SLC9A7: variants seen among roughly 807,000 people sequenced by gnomAD.
SLC9A7 encodes the protein solute carrier family 9 member A7, also known as sodium/hydrogen exchanger 7.
SLC9A7 carries 19 observed loss-of-function variants against 52.6 expected under a neutral mutation model. The observed-to-expected ratio is 0.36, with a 90% CI of 0.25 to 0.53. The LOEUF (loss-of-function observed/expected upper bound fraction) is 0.53. Among genes scored for constraint, SLC9A7 ranks in the 20% least tolerant of loss-of-function variants. The pLI is 0.91. For synonymous variants in SLC9A7, 226 were observed against 252.1 expected, an observed-to-expected ratio of 0.90 and a Z score of 0.98; for missense variants, 455 against 597.9, an observed-to-expected ratio of 0.76 and a Z score of 2.49.
chrX:46,671,421 C>T (rs976445180), intron 4 of SLC9A7, among the ~76,000 whole-genome samples: 3 of 108,049 alleles, frequency 2.8e-5, no homozygotes, highest in East Asian at 3.1e-4. Context: ...CCACCACTCC[C>T]GGCTAATTTT....
intron 12 of SLC9A7, among the ~76,000 whole-genome samples, chrX:46,638,957 T>A (rs767240376): frequency 1.1e-4 from 12 of 112,671 alleles, no homozygotes; most frequent in Non-Finnish European, 2.3e-4. Flanking sequence ...TAAAAATCCT[T>A]AACAAAATGT....
chrX:46,755,446 G>A (rs2179975), intron 1 of SLC9A7, among the ~76,000 whole-genome samples: 1 of 109,667 alleles, frequency 9.1e-6, no homozygotes, highest in Non-Finnish European at 1.9e-5. Flanking sequence ...GCACAATTAA[G>A]AATTGAAAAG....
intron 1 of SLC9A7, among the ~76,000 whole-genome samples, chrX:46,695,205 C>G (rs1944432534): frequency 8.9e-6 from 1 of 111,824 alleles, no homozygotes; most frequent in Admixed American, 9.4e-5. Context: ...AATTATATGT[C>G]AATAAAGTTT....
At chrX:46,726,446 C>A (rs1194519933) in intron 1 of SLC9A7, among the ~76,000 whole-genome samples, 1 of 111,408 alleles carries the variant, frequency 9.0e-6, no homozygotes, top group Non-Finnish European at 1.9e-5. Context: ...TTCCCCAGAC[C>A]ATGTGCCAGA....
chrX:46,624,779 T>C (rs1943098345), intron 14 of SLC9A7, among the ~76,000 whole-genome samples: 1 of 112,478 alleles, frequency 8.9e-6, no homozygotes, highest in Admixed American at 9.4e-5. Flanking sequence ...ACACAAGGAA[T>C]TTTCATCTTT....
intron 1 of SLC9A7, among the ~76,000 whole-genome samples, chrX:46,739,880 C>T (rs1211942497): frequency 8.9e-6 from 1 of 111,784 alleles, no homozygotes; most frequent in African/African-American, 3.3e-5. Context: ...CAGCATAACA[C>T]TGCCATTGAA....
At chrX:46,664,605 G>A (rs1365331196) in intron 5 of SLC9A7, among the ~76,000 whole-genome samples, 7 of 111,412 alleles carry the variant, frequency 6.3e-5, no homozygotes, top group Admixed American at 9.5e-5. Flanking sequence ...CCAGTCTGAA[G>A]CCTCTTCCTT....
At chrX:46,637,075 A>C (rs1387546532) in intron 12 of SLC9A7, among the ~76,000 whole-genome samples, 1 of 112,539 alleles carries the variant, frequency 8.9e-6, no homozygotes, top group Admixed American at 9.4e-5. Context: ...TAATACTATT[A>C]ATATAACAGC....
intron 3 of SLC9A7, among the ~76,000 whole-genome samples, chrX:46,673,966 A>T (rs1722709699): frequency 8.9e-6 from 1 of 112,266 alleles, no homozygotes; most frequent in Non-Finnish European, 1.9e-5. Flanking sequence ...TTTGTTTTTA[A>T]TCGAATGCAT....
At chrX:46,623,231 C>T (rs146588751) in intron 14 of SLC9A7, among the ~76,000 whole-genome samples, 113 of 111,777 alleles carry the variant, frequency 1.0e-3, no homozygotes, top group Middle Eastern at 4.6e-3. Flanking sequence ...CGAACAGCAC[C>T]GGACTGAGGA....
intron 1 of SLC9A7, among the ~76,000 whole-genome samples, chrX:46,718,579 A>G (rs1296616623): frequency 8.9e-6 from 1 of 112,370 alleles, no homozygotes; most frequent in Non-Finnish European, 1.9e-5. Flanking sequence ...AGAATCTACA[A>G]AGAACTTAAC....
At position 46,679,672 on chromosome X, in the gene SLC9A7, T is replaced by C; in HGVS notation, c.603+6A>G. The C allele has an allele frequency of 8.5e-7, 1 of 1,169,801 alleles. No individual in the cohort carries two copies. On this transcript the variant is annotated splice_donor_region_variant and intron_variant, in intron 3 of 16. Transcript: ENST00000616978. ...GATTTCAGAAATACTGGCAAAAACA[T>C]CTTACCTTCTTTAAGCTGTATCCAG...
chrX:46,666,943 G>A (rs946863370), intron 5 of SLC9A7, among the ~76,000 whole-genome samples: 1 of 112,024 alleles, frequency 8.9e-6, no homozygotes, highest in Non-Finnish European at 1.9e-5. Flanking sequence ...GACAGTCACA[G>A]ACAGCACAGG....
At chrX:46,736,205 T>A (rs1253346386) in intron 1 of SLC9A7, among the ~76,000 whole-genome samples, 1 of 112,351 alleles carries the variant, frequency 8.9e-6, no homozygotes, top group Admixed American at 9.5e-5. Context: ...CCTTCCAATA[T>A]CTTTAAGTTC....
intron 16 of SLC9A7, among the ~76,000 whole-genome samples, chrX:46,611,225 G>C (rs1942843195): frequency 8.9e-6 from 1 of 112,157 alleles, no homozygotes; most frequent in African/African-American, 3.2e-5. Context: ...AGCAGGATGA[G>C]AAATTACAAA....
intron 5 of SLC9A7, among the ~76,000 whole-genome samples, chrX:46,663,698 C>T (rs1171628347): frequency 2.9e-5 from 3 of 104,973 alleles, no homozygotes; most frequent in Non-Finnish European, 3.9e-5. Context: ...CGGTGGCTCA[C>T]GCCTGTAATC....
chrX:46,699,597 G>A (rs12557422), intron 1 of SLC9A7, among the ~76,000 whole-genome samples: 2 of 111,022 alleles, frequency 1.8e-5, no homozygotes, highest in African/African-American at 3.3e-5. Flanking sequence ...CCAGGACTAC[G>A]GTCTCAAGAA....
At chrX:46,714,600 T>A (rs1349726602) in intron 1 of SLC9A7, among the ~76,000 whole-genome samples, 1 of 111,903 alleles carries the variant, frequency 8.9e-6, no homozygotes, top group Non-Finnish European at 1.9e-5. Context: ...CGACAAATAT[T>A]TTTTGAGATC....
chrX:46,694,475 A>C (rs1413242259), intron 1 of SLC9A7, among the ~76,000 whole-genome samples: 1 of 111,847 alleles, frequency 8.9e-6, no homozygotes, highest in Non-Finnish European at 1.9e-5. Flanking sequence ...ATGACTAATA[A>C]GCACACGAAA....
Sources: gnomAD v4.1 joint callset for allele counts (sites outside exome capture counted in the v4.1 genomes callset) on GRCh38, gnomAD v4.1.1 for gene constraint, MANE v1.5 for transcripts, NCBI Gene and HGNC (gene_info 2026-07-23, HGNC 2026-07-21) for gene names.